The following GHR variants were observed in gnomAD, a reference collection of about 807,000 sequenced individuals.
The protein encoded by GHR is growth hormone receptor.
GHR carries 35 observed loss-of-function variants against 67.1 expected under a neutral mutation model. The observed-to-expected ratio is 0.52, with a 90% CI of 0.40 to 0.69. The LOEUF is 0.69. GHR is among the 30% of genes least tolerant of loss of function. The probability of loss-of-function intolerance (pLI) is 0.00; values close to 1 mark genes in which losing one functional copy is unlikely to be tolerated. For synonymous variants in GHR, 272 were observed against 269.1 expected (o/e 1.01, Z -0.10); for missense variants, 792 against 764.6 (o/e 1.04, Z -0.42).
At chr5:42,649,911 G>T (rs1285915925) in intron 3 of GHR, among the ~76,000 whole-genome samples, 1 of 152,130 alleles carries the variant, frequency 6.6e-6, no homozygotes, top group African/African-American at 2.4e-5. Flanking sequence ...TTAAAATCTT[G>T]TTTACTTGAA....
intron 1 of GHR, among the ~76,000 whole-genome samples, chr5:42,492,369 G>T (rs948546029): frequency 6.6e-6 from 1 of 152,118 alleles, no homozygotes; most frequent in Admixed American, 6.5e-5. Context: ...GTGGGGAAAG[G>T]ACTGCTTATG....
chr5:42,530,683 C>A (rs1415922228), intron 1 of GHR, among the ~76,000 whole-genome samples: 1 of 152,090 alleles, frequency 6.6e-6, no homozygotes, highest in Non-Finnish European at 1.5e-5. Flanking sequence ...AGCATTGAAC[C>A]TCTTATTAAC....
intron 2 of GHR, among the ~76,000 whole-genome samples, chr5:42,569,013 A>T (rs1259112118): frequency 6.6e-6 from 1 of 152,206 alleles, no homozygotes; most frequent in Non-Finnish European, 1.5e-5. Flanking sequence ...CTTGAATCAC[A>T]CTTTATAGAA....
chr5:42,478,695 T>A lies in GHR; in HGVS notation c.-12+54740T>A, dbSNP rs1745461428. ...ATTTGGCTCTCTGTTTGTCTGTTGT[T>A]GGTGTATAAGAATGCTTGTGATTTT... On this transcript the variant is annotated intron_variant, in intron 1 of 9. Transcript: ENST00000230882. 2.6e-5 allele frequency among the ~76,000 whole-genome samples: 4 copies of A among 152,188 alleles called. No individual in the cohort carries two copies. In the South Asian group the frequency reaches 6.2e-4, roughly 24 times the overall value.
intron 1 of GHR, among the ~76,000 whole-genome samples, chr5:42,537,182 G>T (rs6859653): frequency 0.35 from 53,185 of 151,430 alleles, 10,614 homozygotes; most frequent in African/African-American, 0.55. Context: ...TCTTGGTTAT[G>T]TCCTCTCTTC....
chr5:42,648,533 C>A (rs1754857722), intron 3 of GHR, among the ~76,000 whole-genome samples: 1 of 152,106 alleles, frequency 6.6e-6, no homozygotes, highest in East Asian at 1.9e-4. Context: ...CCTGGCTTTT[C>A]TTAGATTGTT....
intron 1 of GHR, among the ~76,000 whole-genome samples, chr5:42,500,087 G>A (rs1018899340): frequency 2.0e-5 from 3 of 152,104 alleles, no homozygotes; most frequent in Non-Finnish European, 2.9e-5. Context: ...TAGCTCATTT[G>A]GACCCTTTGT....
intron 2 of GHR, among the ~76,000 whole-genome samples, chr5:42,600,041 C>G (rs544247025): frequency 6.6e-6 from 1 of 152,274 alleles, no homozygotes; most frequent in East Asian, 1.9e-4. Context: ...GAGCATATCT[C>G]TGTTAGGCTA....
chr5:42,713,318 C>A, intron 7 of GHR, 111 bp from the exon 8 acceptor site: 2 of 695,886 alleles, frequency 2.9e-6, no homozygotes, highest in Non-Finnish European at 5.3e-6. Flanking sequence ...AAATCACTGA[C>A]TTTATTAGAT....
In GHR at chr5:42,721,868, G is replaced by T. The variant is rs924532180; in HGVS notation, c.*2444G>T. ...TGTTATCAAACACCAACATAAAAAT[G>T]ATCTAAACCACTCTGTATACTGTGA... On this transcript the variant is annotated 3_prime_UTR_variant, in exon 10 of 10. Coordinates refer to ENST00000230882, the MANE Select transcript of GHR (RefSeq NM_000163.5). The T allele has an allele frequency of 3.3e-5, 5 of 152,200 alleles. No individual in the cohort carries two copies. The highest frequency in any genetic ancestry group is 1.2e-4 in the African/African-American group (5 of 41,418). 9.4% of individuals were successfully genotyped at this position (152,200 alleles called of 1,614,324 possible). A position where few individuals can be genotyped will look rare whatever the true frequency, so the allele number is the denominator to read the frequency against.
intron 1 of GHR, among the ~76,000 whole-genome samples, chr5:42,444,171 A>G (rs539351459): frequency 1.2e-4 from 18 of 152,312 alleles, no homozygotes; most frequent in Admixed American, 5.9e-4. Context: ...TGTGTAGAAT[A>G]TAGAAATTAT....
intron 1 of GHR, among the ~76,000 whole-genome samples, chr5:42,512,037 T>G (rs1309856558): frequency 6.6e-6 from 1 of 152,162 alleles, no homozygotes; most frequent in Non-Finnish European, 1.5e-5. Flanking sequence ...AATTAATATT[T>G]GATGGAAATT....
rs187490137 is a variant in GHR, at chr5:42,646,555, A to G, written c.136+17452A>G. Among the ~76,000 whole-genome samples the G allele has an allele frequency of 3.5e-4, 53 of 152,298 alleles. No individual in the cohort carries two copies. The Middle Eastern group carries it at 0.01, about 29-fold the overall frequency. Reference sequence around the variant, plus strand: ...TGTCTGCTTTGTTTGTTGTTATACAATTGACACCTAGAATGGTGGCTGGAC... The same window carrying G: ...TGTCTGCTTTGTTTGTTGTTATACAGTTGACACCTAGAATGGTGGCTGGAC... On this transcript the variant is annotated intron_variant, in intron 3 of 9. Coordinates refer to ENST00000230882, the MANE Select transcript of GHR (RefSeq NM_000163.5).
intron 4 of GHR, among the ~76,000 whole-genome samples, chr5:42,694,396 T>C (rs1757568491): frequency 6.6e-6 from 1 of 152,128 alleles, no homozygotes; most frequent in Non-Finnish European, 1.5e-5. Flanking sequence ...GACCACATCT[T>C]ACTTATCTTT....
intron 2 of GHR, among the ~76,000 whole-genome samples, chr5:42,628,252 G>A (rs1300067913): frequency 1.3e-5 from 2 of 151,904 alleles, no homozygotes; most frequent in Non-Finnish European, 2.9e-5. Flanking sequence ...CCAAAAGGTA[G>A]CTTTTTGGAC....
At chr5:42,465,921 G>T (rs1355149410) in intron 1 of GHR, 3 of 704,828 alleles carry the variant, frequency 4.3e-6, no homozygotes, top group Non-Finnish European at 7.8e-6. Flanking sequence ...TCACAAGGTG[G>T]TCTCCTTTCT....
At chr5:42,468,667 A>G (rs1744851704) in intron 1 of GHR, 4 of 1,016,470 alleles carry the variant, frequency 3.9e-6, no homozygotes, top group Non-Finnish European at 6.2e-6. Context: ...GCAGCTAGCT[A>G]TTTGCCTGCC....
intron 3 of GHR, among the ~76,000 whole-genome samples, chr5:42,640,625 C>T (rs1250533243): frequency 1.3e-5 from 2 of 151,760 alleles, no homozygotes; most frequent in African/African-American, 2.4e-5. Context: ...ATCTAGGTAG[C>T]GTATTTTGTA....
At chr5:42,446,555 TGATCA>T (rs1743814792) in intron 1 of GHR, among the ~76,000 whole-genome samples, 2 of 152,334 alleles carry the variant, frequency 1.3e-5, no homozygotes, top group South Asian at 4.1e-4. Context: ...GTAAGTAACA[TGATCA>T]GATTTGTTAT....
Sources: allele counts gnomAD v4.1 joint callset (sites outside exome capture counted in the v4.1 genomes callset), GRCh38; gene constraint gnomAD v4.1.1; transcripts MANE v1.5; gene names NCBI Gene and HGNC (gene_info 2026-07-23, HGNC 2026-07-21).